MYBPC1: variants seen among roughly 807,000 people sequenced by gnomAD.
MYBPC1 encodes myosin-binding protein C, slow-type.
MYBPC1 carries 52 observed loss-of-function variants against 147.1 expected under a neutral mutation model. The observed-to-expected ratio is 0.35, with a 90% CI of 0.28 to 0.45. The LOEUF (loss-of-function observed/expected upper bound fraction) is 0.45, where lower values mean the gene tolerates loss of function less well. MYBPC1 is among the 20% of genes least tolerant of loss of function. The pLI, the probability that MYBPC1 is intolerant of heterozygous loss-of-function variation, is 1.00. For missense variants in MYBPC1, 1,228 were observed against 1,440.3 expected (o/e 0.85, Z 2.39); for synonymous variants, 477 against 475.9 (o/e 1.00, Z -0.03).
At chr12:101,686,054 C>G (rs1198148273), downstream of MYBPC1, 1 of 155,546 alleles carries the variant, frequency 6.4e-6, no homozygotes, top group South Asian at 2.0e-4. Context: ...GAAAACCCAT[C>G]TTTCTCTTGA....
At chr12:101,598,440 G>A (rs1272792603) in intron 1 of MYBPC1, among the ~76,000 whole-genome samples, 6 of 152,136 alleles carry the variant, frequency 3.9e-5, no homozygotes, top group Admixed American at 1.3e-4. Flanking sequence ...TTAAAGAATA[G>A]TATGAATGGC....
chr12:101,621,708 A>T (rs547400133), intron 3 of MYBPC1, among the ~76,000 whole-genome samples: 166 of 152,328 alleles, frequency 1.1e-3, no homozygotes, highest in African/African-American at 3.9e-3. Flanking sequence ...AATTAATTTT[A>T]AAAGGCAATT....
intron 1 of MYBPC1, among the ~76,000 whole-genome samples, chr12:101,604,831 C>T (rs889151550): frequency 6.6e-6 from 1 of 152,182 alleles, no homozygotes. Context: ...TCCCCTCACT[C>T]CCCTTTGTCC....
At chr12:101,635,958 T>C (rs1351480009) in intron 9 of MYBPC1, among the ~76,000 whole-genome samples, 1 of 152,236 alleles carries the variant, frequency 6.6e-6, no homozygotes, top group Non-Finnish European at 1.5e-5. Context: ...TAATTTAAGA[T>C]GCATTTCTCT....
At chr12:101,641,828 A>AATT (rs1555235319) in intron 10 of MYBPC1, among the ~76,000 whole-genome samples, 6 of 149,760 alleles carry the variant, frequency 4.0e-5, no homozygotes. Context: ...GGCAGTTTCA[A>AATT]TTTTTTTTTT....
chr12:101,690,790 G>A (rs1951401481), downstream of MYBPC1, among the ~76,000 whole-genome samples: 2 of 152,214 alleles, frequency 1.3e-5, no homozygotes, highest in South Asian at 4.1e-4. Context: ...TTTTAGAGAG[G>A]AGAGCAAAGG....
At position 101,648,120 on chromosome 12, in the gene MYBPC1, A is replaced by G; in HGVS notation, c.1166A>G (p.Glu389Gly). 6.2e-7 allele frequency: 1 copy of G among 1,612,390 alleles called. No homozygotes were observed. The highest frequency in any genetic ancestry group is 8.5e-7 in the Non-Finnish European group (1 of 1,178,562). ...YCGERVELEC[E>G]VSEDDANVKW... ...GGGGAGAGAGTGGAATTAGAATGTG[A>G]GGTGTCTGAAGATGATGCCAATGTA... is the stretch of plus-strand genomic sequence containing the variant. The change falls in exon 14 of 32, where the codon GAG becomes GGG. Residue 389 changes from glutamate (E) to glycine (G), a missense_variant. Glu to Gly is a moderately conservative substitution (Grantham distance 98). Coordinates refer to ENST00000361466, the MANE Select transcript of MYBPC1 (RefSeq NM_002465.4).
chr12:101,621,400 G>A (rs1032402222), intron 3 of MYBPC1, among the ~76,000 whole-genome samples: 4 of 152,154 alleles, frequency 2.6e-5, no homozygotes, highest in Non-Finnish European at 5.9e-5. Flanking sequence ...AAGTGTGAAG[G>A]CATGTATCGT....
chr12:101,649,766 AC>A lies in MYBPC1; in HGVS notation c.1363+341del, dbSNP rs113136848. Among the ~76,000 whole-genome samples, 1,225 of 152,330 alleles carry A rather than the reference AC, an allele frequency of 8.0e-3. 19 individuals are homozygous for A. Among genetic ancestry groups the A allele is most frequent in the African/African-American group, 0.028 (1,178 of 41,568 alleles). The stretch of plus-strand genomic sequence containing the variant: ...TAGCTATTCATCAAATAACCATTCA[AC>A]ACTCTGCAATTACATTTGGCATGAG... On this transcript the variant is annotated intron_variant, in intron 15 of 31. Coordinates refer to ENST00000361466, the MANE Select transcript of MYBPC1 (RefSeq NM_002465.4).
At chr12:101,685,123 T>TA (rs1268800356) in intron 31 of MYBPC1, among the ~76,000 whole-genome samples, 1 of 152,222 alleles carries the variant, frequency 6.6e-6, no homozygotes, top group Non-Finnish European at 1.5e-5. Flanking sequence ...GAGTAGTTTT[T>TA]ATCTTTTCTA....
At chr12:101,654,723 G>A (rs1895223475) in intron 18 of MYBPC1, among the ~76,000 whole-genome samples, 1 of 152,070 alleles carries the variant, frequency 6.6e-6, no homozygotes, top group Non-Finnish European at 1.5e-5. Context: ...AAAGAGAAGT[G>A]GACTGGCACT....
intron 17 of MYBPC1, 50 bp from the exon 18 acceptor site, chr12:101,653,064 AT>A (rs1894836349): frequency 6.3e-7 from 1 of 1,595,548 alleles, no homozygotes; most frequent in Admixed American, 1.7e-5. Flanking sequence ...TAGTGCAGAT[AT>A]TTACACAGAA....
rs760581890 is a variant in MYBPC1, at chr12:101,670,423, G to T, written c.2613+14G>T. The T allele has an allele frequency of 5.6e-6, 9 of 1,605,622 alleles. No individual in the cohort carries two copies. Among genetic ancestry groups the T allele is most frequent in the Middle Eastern group, 1.7e-4 (1 of 6,046 alleles). On this transcript the variant is annotated intron_variant, in intron 24 of 31. Transcript: ENST00000361466. ...ATACCTTTCCAGGTAAGAGTTCAAG[G>T]GTCGCTCTTTTTCTCTTTAGAGGGC...
chr12:101,669,769 T>G (rs904301111), intron 23 of MYBPC1, among the ~76,000 whole-genome samples: 6 of 151,980 alleles, frequency 3.9e-5, no homozygotes, highest in African/African-American at 1.4e-4. Flanking sequence ...AAATCCCATC[T>G]CTACTAAAAA....
intron 28 of MYBPC1, among the ~76,000 whole-genome samples, chr12:101,678,724 G>A (rs1900657826): frequency 6.6e-6 from 1 of 152,172 alleles, no homozygotes; most frequent in East Asian, 1.9e-4. Flanking sequence ...AGGTTTCAAG[G>A]TTTCATGTTT....
intron 1 of MYBPC1, among the ~76,000 whole-genome samples, chr12:101,607,267 A>T (rs1159503384): frequency 6.6e-6 from 1 of 152,076 alleles, no homozygotes; most frequent in Non-Finnish European, 1.5e-5. Context: ...ATTGTGTCAG[A>T]CCCCACCATC....
Position 101,663,430 on chromosome 12 carries a change from A to C in MYBPC1, c.2226A>C (p.Val742=). ...MPSRPFVPLA[V]TSPPTLLTVD... is the part of the protein sequence containing the mutation. ...TCTGTCTCTTTTATCTTTAAGCTGT[A>C]ACAAGCCCTCCTACTCTTCTGACTG... is the stretch of plus-strand genomic sequence containing the variant. Residue 742 remains valine, a synonymous_variant, in exon 22 of 32, where the codon GTA becomes GTC. Transcript: ENST00000361466. 6.2e-7 allele frequency: 1 copy of C among 1,613,708 alleles called. No homozygotes were observed. The highest frequency in any genetic ancestry group is 1.3e-5 in the African/African-American group (1 of 75,030).
intron 8 of MYBPC1, 127 bp downstream of exon 8, chr12:101,632,265 T>C (rs1334334088): frequency 7.9e-6 from 6 of 756,566 alleles, no homozygotes; most frequent in African/African-American, 1.7e-5. Flanking sequence ...TTTCTGATTG[T>C]GGTAGTCTCA....
chr12:101,631,372 C>T (rs979698754), intron 6 of MYBPC1, among the ~76,000 whole-genome samples, 199 bp from the exon 7 acceptor site: 2 of 152,004 alleles, frequency 1.3e-5, no homozygotes, highest in Non-Finnish European at 2.9e-5. Flanking sequence ...CTTCATAAAC[C>T]CCCACAGCAG....
Sources: gnomAD v4.1 joint callset for allele counts (sites outside exome capture counted in the v4.1 genomes callset) on GRCh38, gnomAD v4.1.1 for gene constraint, MANE v1.5 for transcripts, NCBI Gene and HGNC (gene_info 2026-07-23, HGNC 2026-07-21) for gene names.